ZNF521: variants seen among roughly 807,000 people sequenced by gnomAD.
The protein encoded by ZNF521 is LYST-interacting protein 3.
ZNF521 carries 14 observed loss-of-function variants against 105.5 expected under a neutral mutation model. The ratio of observed to expected loss-of-function variants is 0.13; its 90% CI spans 0.09 to 0.21. ZNF521 has a LOEUF of 0.21. Ranked by LOEUF, ZNF521 falls within the 10% of genes least tolerant of loss-of-function variation. The pLI is 1.00. For synonymous variants in ZNF521, 635 were observed against 606.0 expected (o/e 1.05, Z -0.70); for missense variants, 1,233 against 1,629.7 (o/e 0.76, Z 4.19).
chr18:25,122,222 A>G (rs2034457078), intron 5 of ZNF521, among the ~76,000 whole-genome samples: 1 of 152,190 alleles, frequency 6.6e-6, no homozygotes, highest in Admixed American at 6.5e-5. Context: ...AAGACAGAGC[A>G]ACAGAAACTA....
At position 25,229,087 on chromosome 18, in the gene ZNF521, C is replaced by T. The variant is rs116034643; in HGVS notation, c.221-1390G>A. Among the ~76,000 whole-genome samples the T allele has an allele frequency of 5.9e-3, 903 of 152,292 alleles. 15 individuals are homozygous for T. Among genetic ancestry groups the T allele is most frequent in the African/African-American group, 0.02 (848 of 41,558 alleles). On this transcript the variant is annotated intron_variant, in intron 3 of 7. Coordinates refer to ENST00000361524, the MANE Select transcript of ZNF521 (RefSeq NM_015461.3). ...GTATGTTCAAATAAGTTTTTAAATT[C>T]TTCAAAGCTGAAGTTCACTAGCAAG...
At chr18:25,253,648 T>C (rs1353509333) in intron 3 of ZNF521, among the ~76,000 whole-genome samples, 1 of 152,124 alleles carries the variant, frequency 6.6e-6, no homozygotes, top group African/African-American at 2.4e-5. Context: ...CTTCAAAAAA[T>C]GTATTTGCTG....
At chr18:25,278,286 T>C (rs1471570979) in intron 3 of ZNF521, among the ~76,000 whole-genome samples, 1 of 152,222 alleles carries the variant, frequency 6.6e-6, no homozygotes, top group Non-Finnish European at 1.5e-5. Context: ...TTTTTTGTGT[T>C]ACTTACTCAT....
At chr18:25,186,656 G>C (rs78930560) in intron 5 of ZNF521, among the ~76,000 whole-genome samples, 9,290 of 152,046 alleles carry the variant, frequency 0.061, 662 homozygotes, top group African/African-American at 0.18. Flanking sequence ...ATAACAGACC[G>C]ATAGCTAAAT....
chr18:25,158,813 C>T (rs962124260), intron 5 of ZNF521, among the ~76,000 whole-genome samples: 4 of 151,642 alleles, frequency 2.6e-5, no homozygotes, highest in African/African-American at 4.8e-5. Flanking sequence ...AAAAATTAGC[C>T]GGTGTGGTGG....
At chr18:25,326,255 G>C (rs1389962649) in intron 2 of ZNF521, among the ~76,000 whole-genome samples, 1 of 152,136 alleles carries the variant, frequency 6.6e-6, no homozygotes, top group Admixed American at 6.5e-5. Flanking sequence ...TCCCATGCCT[G>C]ATCAAAGCTA....
At chr18:25,069,682 T>C (rs1412556965) in intron 7 of ZNF521, among the ~76,000 whole-genome samples, 1 of 152,238 alleles carries the variant, frequency 6.6e-6, no homozygotes, top group Non-Finnish European at 1.5e-5. Context: ...TGCATATTTT[T>C]TAAAGGACAA....
In ZNF521 at chr18:25,225,575, T is replaced by C; in HGVS notation, c.2343A>G (p.Lys781=). 6.2e-7 allele frequency: 1 copy of C among 1,614,226 alleles called. No homozygotes were observed. The highest frequency in any genetic ancestry group is 8.5e-7 in the Non-Finnish European group (1 of 1,180,036). The change falls in exon 4 of 8, where the codon AAA becomes AAG. Residue 781 remains lysine, a synonymous_variant. Transcript: ENST00000361524. This position sits in a 1 kb window ranked among gnomAD's most constrained non-coding sequence, Gnocchi z 5.6. The part of the protein sequence containing the change: ...VKHNHLENQG[K]VHKCIFCGES... ...CACCGCAGAAAATGCACTTATGCAC[T>C]TTCCCTTGGTTTTCCAGGTGGTTGT...
At chr18:25,291,845 C>A (rs1350893489) in intron 3 of ZNF521, among the ~76,000 whole-genome samples, 1 of 152,004 alleles carries the variant, frequency 6.6e-6, no homozygotes, top group Non-Finnish European at 1.5e-5. Flanking sequence ...ATAATCAACA[C>A]CCTCTCTAGA....
At chr18:25,208,001 T>C (rs74968660) in intron 4 of ZNF521, among the ~76,000 whole-genome samples, 3,097 of 152,286 alleles carry the variant, frequency 0.02, 75 homozygotes, top group Admixed American at 0.068. Flanking sequence ...AAAAGGATAA[T>C]ATCAAATTTG....
At chr18:25,098,021 A>G (rs1212752855) in intron 5 of ZNF521, among the ~76,000 whole-genome samples, 1 of 139,734 alleles carries the variant, frequency 7.2e-6, no homozygotes, top group Non-Finnish European at 1.6e-5. Context: ...CTTGGAAACT[A>G]GCAGGAGGTC....
rs538507094 is a variant in ZNF521 at position 25,242,522 on chromosome 18, T to C, written c.221-14825A>G. Among the ~76,000 whole-genome samples the C allele has an allele frequency of 2.0e-5, 3 of 152,302 alleles. No individual in the cohort carries two copies. The South Asian group carries it at 6.2e-4, about 32-fold the overall frequency. On this transcript the variant is annotated intron_variant, in intron 3 of 7. Transcript: ENST00000361524. ...TTTTTTTTGCTTGTTTTGCTTGATCTAGGAATATATTATTTTTTCTTGCAC... is the reference window on the plus strand; with the variant it reads ...TTTTTTTTGCTTGTTTTGCTTGATCCAGGAATATATTATTTTTTCTTGCAC...
chr18:25,275,567 C>T (rs373084806), intron 3 of ZNF521, among the ~76,000 whole-genome samples: 2 of 152,230 alleles, frequency 1.3e-5, no homozygotes, highest in East Asian at 3.9e-4. Flanking sequence ...ACACATCATA[C>T]TTTCAAAATA....
chr18:25,214,963 G>A (rs992156811), intron 4 of ZNF521, among the ~76,000 whole-genome samples: 4 of 152,180 alleles, frequency 2.6e-5, no homozygotes, highest in Non-Finnish European at 2.9e-5. Flanking sequence ...ATGACGAGGC[G>A]AAAGACGAAA....
At chr18:25,331,250 C>A (rs1260131475) in intron 2 of ZNF521, among the ~76,000 whole-genome samples, 1 of 151,296 alleles carries the variant, frequency 6.6e-6, no homozygotes. Context: ...AGATACTACA[C>A]ACAAATATTT....
chr18:25,323,055 C>G (rs555404291), intron 2 of ZNF521, among the ~76,000 whole-genome samples: 2 of 151,834 alleles, frequency 1.3e-5, no homozygotes, highest in South Asian at 4.2e-4. Context: ...GTTACGCTGT[C>G]CTTTGAGTCA....
intron 3 of ZNF521, among the ~76,000 whole-genome samples, chr18:25,256,295 T>A (rs989752139): frequency 5.9e-5 from 9 of 151,886 alleles, no homozygotes; most frequent in Non-Finnish European, 1.2e-4. Context: ...AGTATAGAGT[T>A]TCAGTTTTGC....
intron 3 of ZNF521, among the ~76,000 whole-genome samples, chr18:25,316,262 T>A (rs188180412): frequency 1.5e-5 from 2 of 131,880 alleles, no homozygotes; most frequent in East Asian, 4.3e-4. Context: ...AGGACCGGAA[T>A]GAGAGGAAAA....
chr18:25,277,558 T>C (rs531279063), intron 3 of ZNF521, among the ~76,000 whole-genome samples: 29 of 152,204 alleles, frequency 1.9e-4, no homozygotes, highest in Non-Finnish European at 3.7e-4. Flanking sequence ...GAAACCTGAG[T>C]GCCAAAGGCT....
Sources: allele counts gnomAD v4.1 joint callset (sites outside exome capture counted in the v4.1 genomes callset), GRCh38; gene constraint gnomAD v4.1.1; non-coding constraint Gnocchi (gnomAD v3.1); transcripts MANE v1.5; gene names NCBI Gene and HGNC (gene_info 2026-07-23, HGNC 2026-07-21).